Variants in ZNF24 observed in about 807,000 individuals in gnomAD.
ZNF24 encodes retinoic acid suppression protein A.
A neutral mutation model predicts 40.9 loss-of-function variants in ZNF24; 11 were observed. That is an observed-to-expected ratio of 0.27 (90% CI 0.17 to 0.45). ZNF24 has a LOEUF of 0.45. Ranked by LOEUF, ZNF24 falls within the 20% of genes least tolerant of loss-of-function variation. The pLI is 1.00. For missense variants in ZNF24, 293 were observed against 437.7 expected (o/e 0.67, Z 2.95); for synonymous variants, 139 against 154.7 (o/e 0.90, Z 0.75).
intron 1 of ZNF24, chr18:35,344,046 C>G (rs893704676): frequency 6.6e-6 from 1 of 152,276 alleles, no homozygotes; most frequent in East Asian, 1.9e-4. Context: ...CCTCCCATCA[C>G]GACTCCCAGA....
In ZNF24 at chr18:35,332,860, T is replaced by C. The variant is rs1389108600; in HGVS notation, c.*4372A>G. On this transcript the variant is annotated 3_prime_UTR_variant, in exon 4 of 4. Coordinates refer to ENST00000261332, the MANE Select transcript of ZNF24 (RefSeq NM_006965.4). The stretch of plus-strand genomic sequence containing the variant: ...GGTAAGGGATACAAACAATCCACAG[T>C]AAACTATAAATGGCCAATAAACATG... The C allele has an allele frequency of 2.6e-5, 4 of 152,384 alleles. No homozygotes were observed. Among genetic ancestry groups the C allele is most frequent in the Non-Finnish European group, 5.9e-5 (4 of 68,012 alleles). The allele number at this position is 152,384 out of a possible 1,614,324, so 9.4% of individuals were successfully genotyped here. A position where few individuals can be genotyped will look rare whatever the true frequency, so the allele number is the denominator to read the frequency against.
In ZNF24 at chr18:35,337,739, T is replaced by C; in HGVS notation, c.600A>G (p.Leu200=). Residue 200 remains leucine (L), a synonymous_variant, in exon 4 of 4, where the codon CTA becomes CTG. Coordinates refer to ENST00000261332, the MANE Select transcript of ZNF24 (RefSeq NM_006965.4). The part of the protein sequence containing the change: ...DDDGRTENGA[L]APKQELPSAL... Reference sequence around the variant, plus strand: ...CTGAAGGAAGCTCCTGCTTTGGAGCTAGTGCTCCATTTTCAGTCCTACCAT... The same window carrying C: ...CTGAAGGAAGCTCCTGCTTTGGAGCCAGTGCTCCATTTTCAGTCCTACCAT... 4 of 1,597,502 alleles carry C rather than the reference T, an allele frequency of 2.5e-6. No homozygotes were observed. The highest frequency in any genetic ancestry group is 4.5e-5 in the East Asian group (2 of 44,754).
chr18:35,337,329 C>T lies in ZNF24; in HGVS notation c.1010G>A (p.Cys337Tyr). Reference sequence around the variant, plus strand: ...ACTATACGATTTCCCACACTGAACGCATTCATAAGGTTTCTCCCCAGTATG... The same window carrying T: ...ACTATACGATTTCCCACACTGAACGTATTCATAAGGTTTCTCCCCAGTATG... Reference protein sequence around the residue: ...RIHTGEKPYECVQCGKSYSQS... With the variant: ...RIHTGEKPYEYVQCGKSYSQS... Residue 337 changes from cysteine to tyrosine, a missense_variant, in exon 4 of 4, where the codon TGC becomes TAC. Cys to Tyr is a radical substitution (Grantham distance 194). Transcript: ENST00000261332. 6.2e-7 allele frequency: 1 copy of T among 1,613,342 alleles called. No individual in the cohort carries two copies. Among genetic ancestry groups the T allele is most frequent in the Non-Finnish European group, 8.5e-7 (1 of 1,179,548 alleles).
chr18:35,338,850 G>T (rs765684453), intron 3 of ZNF24: 55 of 1,341,036 alleles, frequency 4.1e-5, no homozygotes, highest in South Asian at 1.7e-4. Context: ...CAGATGATGA[G>T]AAGTTGAAAA....
rs752104245 is a variant in ZNF24 at position 35,339,908 on chromosome 18, T to C, written c.489A>G (p.Gly163=). 2.5e-6 allele frequency: 4 copies of C among 1,613,530 alleles called. No homozygotes were observed. Among genetic ancestry groups the C allele is most frequent in the Non-Finnish European group, 2.5e-6 (3 of 1,179,504 alleles). ...EDMVSQEEAQ[G]LPSSELDAVE... Reference sequence around the variant, plus strand: ...CAGCATCAAGCTCAGAACTTGGTAATCCCTGAGCTTCTTCTTGAGATACCA... The same window carrying C: ...CAGCATCAAGCTCAGAACTTGGTAACCCCTGAGCTTCTTCTTGAGATACCA... Residue 163 remains glycine (G), a synonymous_variant, in exon 3 of 4, where the codon GGA becomes GGG. Transcript: ENST00000261332.
Position 35,344,412 on chromosome 18 carries a change from C to G in ZNF24, c.-136G>C, listed in dbSNP as rs1057138076. The G allele has an allele frequency of 6.6e-6, 1 of 152,386 alleles. No homozygotes were observed. Among genetic ancestry groups the G allele is most frequent in the African/African-American group, 2.4e-5 (1 of 41,474 alleles). The allele number at this position is 152,386 out of a possible 1,614,324, so 9.4% of individuals were successfully genotyped here. A position where few individuals can be genotyped will look rare whatever the true frequency, so the allele number is the denominator to read the frequency against. ...CAGCAGCTTCGCTGTCCACGGCAGA[C>G]GCAGAAACGCCGTTCACAAGCCTTT... On this transcript the variant is annotated 5_prime_UTR_variant, in exon 1 of 4. Transcript: ENST00000261332.
intron 3 of ZNF24, among the ~76,000 whole-genome samples, chr18:35,339,335 A>G (rs1796900621): frequency 3.9e-5 from 6 of 152,230 alleles, no homozygotes; most frequent in Admixed American, 3.9e-4. Flanking sequence ...ATTACTCCAA[A>G]TATTTCTACA....
In ZNF24 at chr18:35,344,392, G is replaced by C. The variant is rs2044999097; in HGVS notation, c.-116C>G. 1 of 152,434 alleles carries C rather than the reference G, an allele frequency of 6.6e-6. No homozygotes were observed. Among genetic ancestry groups the C allele is most frequent in the African/African-American group, 2.4e-5 (1 of 41,484 alleles). The allele number at this position is 152,434 out of a possible 1,614,324, so 9.4% of individuals were successfully genotyped here. ...AACCTCCGGCTCAGGAACCGCAGCA[G>C]CTTCGCTGTCCACGGCAGACGCAGA... On this transcript the variant is annotated 5_prime_UTR_variant, in exon 1 of 4. Transcript: ENST00000261332.
chr18:35,332,408 C>T lies in ZNF24; in HGVS notation c.*4824G>A, dbSNP rs2044866871. 1 of 152,218 alleles carries T rather than the reference C, an allele frequency of 6.6e-6. No homozygotes were observed. Among genetic ancestry groups the T allele is most frequent in the South Asian group, 2.1e-4 (1 of 4,826 alleles). 9.4% of individuals were successfully genotyped at this position (152,218 alleles called of 1,614,324 possible). A position where few individuals can be genotyped will look rare whatever the true frequency, so the allele number is the denominator to read the frequency against. On this transcript the variant is annotated 3_prime_UTR_variant, in exon 4 of 4. Coordinates refer to ENST00000261332, the MANE Select transcript of ZNF24 (RefSeq NM_006965.4). ...TTATTGGCTCACAAAACTTTAAAGTCCGGAGGTAGGGCAGGCTTTAGGCAC... is the reference window on the plus strand; with the variant it reads ...TTATTGGCTCACAAAACTTTAAAGTTCGGAGGTAGGGCAGGCTTTAGGCAC...
At position 35,340,423 on chromosome 18, in the gene ZNF24, A is replaced by C; in HGVS notation, c.228T>G (p.Leu76=). 1 of 1,614,202 alleles carries C rather than the reference A, an allele frequency of 6.2e-7. No individual in the cohort carries two copies. Among genetic ancestry groups the C allele is most frequent in the African/African-American group, 1.3e-5 (1 of 75,038 alleles). Residue 76 remains leucine (L), a synonymous_variant, in exon 2 of 4, where the codon CTT becomes CTG. Transcript: ENST00000261332. The surrounding 1 kb of genome is among the most constrained non-coding windows in gnomAD (Gnocchi z 4.6). ...TCTCTGGCCTGAGCCACAGACGGCA[A>C]AGTTCTCGGAGCTGGCTCACAGCCT... ...PREAVSQLRE[L]CRLWLRPETH...
At position 35,337,781 on chromosome 18, in the gene ZNF24, C is replaced by A; in HGVS notation, c.569-11G>T. The A allele has an allele frequency of 1.3e-6, 2 of 1,532,664 alleles. No homozygotes were observed. The highest frequency in any genetic ancestry group is 8.7e-7 in the Non-Finnish European group (1 of 1,148,010). 94.9% of individuals were successfully genotyped at this position (1,532,664 alleles called of 1,614,324 possible). ...TCCTACCATCATCATCTGAAATAAA[C>A]AGAAAATGTAAATATCATTCATTAT... On this transcript the variant is annotated splice_polypyrimidine_tract_variant and intron_variant, in intron 3 of 3. Transcript: ENST00000261332.
At chr18:35,338,842 G>C in intron 3 of ZNF24, 4 of 1,344,272 alleles carry the variant, frequency 3.0e-6, no homozygotes, top group Non-Finnish European at 3.8e-6. Flanking sequence ...CTAAAATTCA[G>C]ATGATGAGAA....
At position 35,340,684 on chromosome 18, in the gene ZNF24, A is replaced by G. The variant is rs1196864763; in HGVS notation, c.-34T>C. On this transcript the variant is annotated 5_prime_UTR_variant, in exon 2 of 4. Coordinates refer to ENST00000261332, the MANE Select transcript of ZNF24 (RefSeq NM_006965.4). This position sits in a 1 kb window ranked among gnomAD's most constrained non-coding sequence, Gnocchi z 4.6. The stretch of plus-strand genomic sequence containing the variant: ...ATAATATTTCAAGAAAAGACAACTG[A>G]GGCAGAATATAAGCCTCAGGGCAAT... 1.9e-6 allele frequency: 3 copies of G among 1,591,940 alleles called. No individual in the cohort carries two copies. In the South Asian group the frequency reaches 3.4e-5, roughly 18 times the overall value.
rs1008123915 is a variant in ZNF24, at chr18:35,335,667, T to C, written c.*1565A>G. 3 of 152,264 alleles carry C rather than the reference T, an allele frequency of 2.0e-5. No homozygotes were observed. Among genetic ancestry groups the C allele is most frequent in the South Asian group, 2.1e-4 (1 of 4,826 alleles). The allele number at this position is 152,264 out of a possible 1,614,324, so 9.4% of individuals were successfully genotyped here. A position where few individuals can be genotyped will look rare whatever the true frequency, so the allele number is the denominator to read the frequency against. Reference sequence around the variant, plus strand: ...ACTTCCAGAGTTTTCCACTAAACAGTAGAACCACAGTACTTGGAATTCTCA... The same window carrying C: ...ACTTCCAGAGTTTTCCACTAAACAGCAGAACCACAGTACTTGGAATTCTCA... On this transcript the variant is annotated 3_prime_UTR_variant, in exon 4 of 4. Transcript: ENST00000261332.
rs1263427014 is a variant in ZNF24 at position 35,344,384 on chromosome 18, C to T, written c.-108G>A. 6.6e-6 allele frequency: 1 copy of T among 152,444 alleles called. No individual in the cohort carries two copies. The highest frequency in any genetic ancestry group is 6.5e-5 in the Admixed American group (1 of 15,292). 9.4% of individuals were successfully genotyped at this position (152,444 alleles called of 1,614,324 possible). ...CCGGCGCAAACCTCCGGCTCAGGAA[C>T]CGCAGCAGCTTCGCTGTCCACGGCA... On this transcript the variant is annotated 5_prime_UTR_variant, in exon 1 of 4. Coordinates refer to ENST00000261332, the MANE Select transcript of ZNF24 (RefSeq NM_006965.4).
chr18:35,339,107 T>A, intron 3 of ZNF24: 1 of 1,476,474 alleles, frequency 6.8e-7, no homozygotes, highest in Non-Finnish European at 9.2e-7. Context: ...TCATTTTAGT[T>A]CACATAAACA....
chr18:35,340,108 G>GT lies in ZNF24; in HGVS notation c.420+122dup. ...AAAGCGGCACAGATAACAAGGAGTG[G>GT]TAGGGGAATGGGGGAAAAGGCATAA... On this transcript the variant is annotated intron_variant, in intron 2 of 3. Transcript: ENST00000261332. The surrounding 1 kb of genome is among the most constrained non-coding windows in gnomAD (Gnocchi z 4.6). 6.7e-7 allele frequency: 1 copy of GT among 1,482,832 alleles called. No homozygotes were observed. Among genetic ancestry groups the GT allele is most frequent in the Admixed American group, 1.9e-5 (1 of 51,478 alleles). The allele number at this position is 1,482,832 out of a possible 1,614,324, so 91.9% of individuals were successfully genotyped here.
Position 35,335,046 on chromosome 18 carries a change from T to C in ZNF24, c.*2186A>G, listed in dbSNP as rs1212703471. ...ACAAATCTACCACAGGGAAGCTTCC[T>C]TGTATATAGGAACCGCATACGATCT... On this transcript the variant is annotated 3_prime_UTR_variant, in exon 4 of 4. Coordinates refer to ENST00000261332, the MANE Select transcript of ZNF24 (RefSeq NM_006965.4). The C allele has an allele frequency of 2.6e-5, 4 of 152,188 alleles. No individual in the cohort carries two copies. Among genetic ancestry groups the C allele is most frequent in the Non-Finnish European group, 4.4e-5 (3 of 68,020 alleles). The allele number at this position is 152,188 out of a possible 1,614,324, so 9.4% of individuals were successfully genotyped here. A position where few individuals can be genotyped will look rare whatever the true frequency, so the allele number is the denominator to read the frequency against.
chr18:35,338,384 AAT>A, intron 3 of ZNF24: 2 of 985,446 alleles, frequency 2.0e-6, no homozygotes, highest in Non-Finnish European at 2.4e-6. Context: ...AAAGTTTTCC[AAT>A]AAAAGCAGCT....
Sources: gnomAD v4.1 joint callset for allele counts (sites outside exome capture counted in the v4.1 genomes callset) on GRCh38, gnomAD v4.1.1 for gene constraint, Gnocchi (gnomAD v3.1) non-coding constraint, MANE v1.5 for transcripts, NCBI Gene and HGNC (gene_info 2026-07-23, HGNC 2026-07-21) for gene names.